The following ATP2B2 variants were observed in gnomAD, a reference collection of about 807,000 sequenced individuals.
ATP2B2 encodes the protein ATPase plasma membrane Ca2+ transporting 2.
ATP2B2 carries 15 observed loss-of-function variants against 120.0 expected under a neutral mutation model. The observed-to-expected ratio is 0.12, with a 90% confidence interval of 0.08 to 0.19. The LOEUF is 0.19. Ranked by LOEUF, ATP2B2 falls within the 10% of genes least tolerant of loss-of-function variation. ATP2B2 has a pLI of 1.00. For synonymous variants in ATP2B2, 694 were observed against 700.3 expected (o/e 0.99, Z 0.14); for missense variants, 1,045 against 1,719.8 (o/e 0.61, Z 6.94).
rs376045214 is a variant in ATP2B2 at position 10,701,516 on chromosome 3, CGTT to C, written c.-460+6396_-460+6398del. The stretch of plus-strand genomic sequence containing the variant: ...TTGTTTTCATTGTGGTTGTACCCAT[CGTT>C]GTTGTTGAGGAGTGACAGTTTGTAT... On this transcript the variant is annotated intron_variant, in intron 1 of 21. Coordinates refer to the ATP2B2 transcript ENST00000646379. Among the ~76,000 whole-genome samples, 22 of 152,230 alleles carry C rather than the reference CGTT, an allele frequency of 1.4e-4. 1 individual carries two copies. The highest frequency in any genetic ancestry group is 3.9e-4 in the African/African-American group (16 of 41,536).
At chr3:10,348,815 C>G (rs555542348) in intron 16 of ATP2B2, among the ~76,000 whole-genome samples, 8 of 152,228 alleles carry the variant, frequency 5.3e-5, no homozygotes, top group African/African-American at 4.8e-5. Context: ...ATGAATTCCA[C>G]GTGGGCAGGA....
chr3:10,705,867 G>A (rs909786660), intron 1 of ATP2B2, among the ~76,000 whole-genome samples: 1 of 152,142 alleles, frequency 6.6e-6, no homozygotes, highest in African/African-American at 2.4e-5. Context: ...CTGTGGTCCT[G>A]GTATTTTTAT....
chr3:10,695,548 G>A (rs1014045304), intron 1 of ATP2B2, among the ~76,000 whole-genome samples: 5 of 152,088 alleles, frequency 3.3e-5, no homozygotes, highest in Non-Finnish European at 5.9e-5. Flanking sequence ...ACTGTTACGT[G>A]AACAAACACA....
intron 12 of ATP2B2, among the ~76,000 whole-genome samples, chr3:10,362,998 C>A (rs999155495): frequency 1.3e-5 from 2 of 152,122 alleles, no homozygotes; most frequent in Non-Finnish European, 2.9e-5. Context: ...AATGACGACA[C>A]AGAGGACTTA....
chr3:10,329,214 T>A lies in ATP2B2; in HGVS notation c.3421-89A>T. ...ACAGGAGGGGCGGGTGGGAGAAGGGTTAGGGCAAAGCAGGTGGCTGGAATC... is the reference window on the plus strand; with the variant it reads ...ACAGGAGGGGCGGGTGGGAGAAGGGATAGGGCAAAGCAGGTGGCTGGAATC... On this transcript the variant is annotated intron_variant, in intron 22 of 22. Coordinates refer to ENST00000360273, the MANE Select transcript of ATP2B2 (RefSeq NM_001001331.4). This position sits in a 1 kb window ranked among gnomAD's most constrained non-coding sequence, Gnocchi z 5.9. The A allele has an allele frequency of 8.0e-7, 1 of 1,257,448 alleles. No homozygotes were observed. The highest frequency in any genetic ancestry group is 1.2e-5 in the South Asian group (1 of 83,484). The allele number at this position is 1,257,448 out of a possible 1,614,324, so 77.9% of individuals were successfully genotyped here.
intron 12 of ATP2B2, among the ~76,000 whole-genome samples, chr3:10,365,459 G>A (rs1415787102): frequency 1.3e-5 from 2 of 152,224 alleles, no homozygotes; most frequent in Admixed American, 6.5e-5. Context: ...GAGCCCTGGG[G>A]TCTTCCCCAG....
intron 2 of ATP2B2, among the ~76,000 whole-genome samples, chr3:10,599,649 C>T (rs537035961): frequency 1.3e-5 from 2 of 152,228 alleles, no homozygotes; most frequent in Non-Finnish European, 2.9e-5. Flanking sequence ...GACTTTGACA[C>T]CATGAAATTA....
intron 1 of ATP2B2, among the ~76,000 whole-genome samples, chr3:10,683,004 A>C (rs2071419084): frequency 1.3e-5 from 2 of 152,228 alleles, no homozygotes; most frequent in Non-Finnish European, 2.9e-5. Flanking sequence ...TGGGTAAAAG[A>C]CAGGGACATA....
intron 2 of ATP2B2, among the ~76,000 whole-genome samples, chr3:10,551,912 C>T (rs2125514406): frequency 6.6e-6 from 1 of 152,312 alleles, no homozygotes; most frequent in East Asian, 1.9e-4. Flanking sequence ...TCCCTAGGGC[C>T]CTCAGCAAAT....
intron 2 of ATP2B2, among the ~76,000 whole-genome samples, chr3:10,575,496 G>C (rs1028220896): frequency 2.6e-5 from 4 of 152,200 alleles, no homozygotes; most frequent in African/African-American, 9.6e-5. Context: ...AATTTGTGGA[G>C]ATGGATAGTG....
At chr3:10,460,930 G>A (rs2125234947) in intron 1 of ATP2B2, among the ~76,000 whole-genome samples, 1 of 152,310 alleles carries the variant, frequency 6.6e-6, no homozygotes, top group Middle Eastern at 3.4e-3. Flanking sequence ...CCACAGAGGT[G>A]CCAGGGGATG....
chr3:10,686,250 C>A (rs2071520433), intron 1 of ATP2B2, among the ~76,000 whole-genome samples: 1 of 152,104 alleles, frequency 6.6e-6, no homozygotes, highest in African/African-American at 2.4e-5. Flanking sequence ...AAACTCTAGA[C>A]AGTTTCCTCA....
At chr3:10,414,601 T>A (rs2062720010) in intron 2 of ATP2B2, among the ~76,000 whole-genome samples, 1 of 152,210 alleles carries the variant, frequency 6.6e-6, no homozygotes, top group Non-Finnish European at 1.5e-5. Context: ...GCTGGACATC[T>A]GGAATTTGAT....
intron 2 of ATP2B2, among the ~76,000 whole-genome samples, chr3:10,440,116 A>AG (rs1177379563): frequency 5.3e-4 from 80 of 149,796 alleles, no homozygotes; most frequent in African/African-American, 1.9e-3. Context: ...AAAAAAAAAA[A>AG]AAAAAAAAAA....
At chr3:10,477,769 C>T (rs2065258928) in intron 1 of ATP2B2, among the ~76,000 whole-genome samples, 1 of 152,208 alleles carries the variant, frequency 6.6e-6, no homozygotes, top group Non-Finnish European at 1.5e-5. Context: ...GAACAGACTA[C>T]ATTTGATTTA....
intron 1 of ATP2B2, among the ~76,000 whole-genome samples, chr3:10,656,976 C>A (rs2070647490): frequency 6.6e-6 from 1 of 152,170 alleles, no homozygotes; most frequent in South Asian, 2.1e-4. Context: ...GAGATGAGGC[C>A]AGCGGCTGGC....
intron 1 of ATP2B2, among the ~76,000 whole-genome samples, chr3:10,674,651 T>C (rs1277162727): frequency 3.9e-5 from 6 of 152,258 alleles, no homozygotes; most frequent in African/African-American, 1.4e-4. Context: ...CAGTAAATAC[T>C]CACATATCCT....
At chr3:10,473,721 A>G (rs1034588325) in intron 1 of ATP2B2, among the ~76,000 whole-genome samples, 1 of 152,258 alleles carries the variant, frequency 6.6e-6, no homozygotes, top group Non-Finnish European at 1.5e-5. Flanking sequence ...GAGCTGGGGC[A>G]GTATGTTCCA....
At chr3:10,555,938 A>T (rs1199589289) in intron 2 of ATP2B2, among the ~76,000 whole-genome samples, 2 of 152,124 alleles carry the variant, frequency 1.3e-5, no homozygotes, top group Non-Finnish European at 2.9e-5. Context: ...TTGCTCTGTC[A>T]CCCAGGCTGG....
Sources: allele counts gnomAD v4.1 joint callset (sites outside exome capture counted in the v4.1 genomes callset), GRCh38; gene constraint gnomAD v4.1.1; non-coding constraint Gnocchi (gnomAD v3.1); transcripts MANE v1.5; gene names NCBI Gene and HGNC (gene_info 2026-07-23, HGNC 2026-07-21).